The following TRERF1 variants were observed in gnomAD, a reference collection of about 807,000 sequenced individuals.
The protein encoded by TRERF1 is transcriptional regulating factor 1, also known as transcriptional-regulating factor 1.
Under a neutral mutation model 122.9 loss-of-function variants are expected in TRERF1, and 27 were observed. The observed-to-expected ratio is 0.22, with a 90% CI of 0.16 to 0.30. The LOEUF (loss-of-function observed/expected upper bound fraction) is 0.30, where lower values mean the gene tolerates loss of function less well. Ranked by LOEUF, TRERF1 falls within the 10% of genes least tolerant of loss-of-function variation. The pLI, the probability that TRERF1 is intolerant of heterozygous loss-of-function variation, is 1.00. For synonymous variants in TRERF1, 636 were observed against 641.7 expected, an observed-to-expected ratio of 0.99 and a Z score of 0.13; for missense variants, 1,248 against 1,560.3, an observed-to-expected ratio of 0.80 and a Z score of 3.37.
chr6:42,237,211 A>T (rs1772448886), intron 15 of TRERF1, among the ~76,000 whole-genome samples: 1 of 152,168 alleles, frequency 6.6e-6, no homozygotes, highest in Non-Finnish European at 1.5e-5. Flanking sequence ...CCATGTGGAG[A>T]ATTAAGCAGA....
At chr6:42,339,136 G>T (rs1283067913) in intron 3 of TRERF1, among the ~76,000 whole-genome samples, 6 of 152,198 alleles carry the variant, frequency 3.9e-5, no homozygotes, top group African/African-American at 1.2e-4. Flanking sequence ...CTATCCTTGA[G>T]GTCACTGCTG....
At chr6:42,307,334 T>C (rs1445252402) in intron 3 of TRERF1, among the ~76,000 whole-genome samples, 1 of 152,210 alleles carries the variant, frequency 6.6e-6, no homozygotes, top group Non-Finnish European at 1.5e-5. Flanking sequence ...TTCAGGTTTA[T>C]CACGTTCATC....
chr6:42,263,682 C>A lies in TRERF1; in HGVS notation c.1636-114G>T. 1 of 1,302,992 alleles carries A rather than the reference C, an allele frequency of 7.7e-7. No homozygotes were observed. Among genetic ancestry groups the A allele is most frequent in the Non-Finnish European group, 9.8e-7 (1 of 1,019,276 alleles). 80.7% of individuals were successfully genotyped at this position (1,302,992 alleles called of 1,614,324 possible). A position where few individuals can be genotyped will look rare whatever the true frequency, so the allele number is the denominator to read the frequency against. On this transcript the variant is annotated intron_variant, in intron 7 of 17. Coordinates refer to ENST00000372922, the Ensembl canonical transcript of TRERF1. This position sits in a 1 kb window ranked among gnomAD's most constrained non-coding sequence, Gnocchi z 5.6. Reference sequence around the variant, plus strand: ...ATCAGGTATGGGTGATAGAGAACCGCTGCAGGGCGATTTCCTTCCTGCAAT... The same window carrying A: ...ATCAGGTATGGGTGATAGAGAACCGATGCAGGGCGATTTCCTTCCTGCAAT...
Position 42,331,816 on chromosome 6 carries a change from G to A in TRERF1, c.-370-31067C>T, listed in dbSNP as rs116810525. ...AGGGGCACACATACCCCAGGCCCAC[G>A]CGGGCCATGTGGCTGGCCCTTCCAC... On this transcript the variant is annotated intron_variant, in intron 3 of 17. Transcript: ENST00000372922. 2.0e-3 allele frequency among the ~76,000 whole-genome samples: 310 copies of A among 152,312 alleles called. 1 individual carries two copies. Among genetic ancestry groups the A allele is most frequent in the African/African-American group, 7.2e-3 (301 of 41,568 alleles).
At chr6:42,313,805 A>T (rs183705454) in intron 3 of TRERF1, among the ~76,000 whole-genome samples, 1 of 151,910 alleles carries the variant, frequency 6.6e-6, no homozygotes, top group East Asian at 1.9e-4. Flanking sequence ...GGCCTCAGGA[A>T]CTCTCCTGGT....
At chr6:42,448,162 A>C (rs549933678) in intron 2 of TRERF1, among the ~76,000 whole-genome samples, 2 of 152,184 alleles carry the variant, frequency 1.3e-5, no homozygotes, top group South Asian at 4.1e-4. Flanking sequence ...AATCCCAATT[A>C]CCCACAGAAA....
chr6:42,358,300 C>A (rs1770988893), intron 3 of TRERF1, among the ~76,000 whole-genome samples: 1 of 152,212 alleles, frequency 6.6e-6, no homozygotes, highest in South Asian at 2.1e-4. Context: ...TTAATGACTG[C>A]AGGGTAAACG....
intron 2 of TRERF1, among the ~76,000 whole-genome samples, chr6:42,444,899 C>A (rs1270864404): frequency 6.6e-6 from 1 of 152,220 alleles, no homozygotes; most frequent in African/African-American, 2.4e-5. Flanking sequence ...CCCCTCCCAA[C>A]TCTCTCCAGT....
intron 4 of TRERF1, among the ~76,000 whole-genome samples, chr6:42,272,347 G>A (rs1214228624): frequency 1.3e-5 from 2 of 152,114 alleles, no homozygotes; most frequent in Non-Finnish European, 2.9e-5. Context: ...GGAGGAAGGC[G>A]AGCCGTGGGT....
intron 13 of TRERF1, among the ~76,000 whole-genome samples, chr6:42,250,914 T>A (rs752182208): frequency 3.9e-5 from 6 of 151,916 alleles, no homozygotes; most frequent in Non-Finnish European, 8.8e-5. Flanking sequence ...TGAGAGAAAG[T>A]TTGGACACAG....
intron 3 of TRERF1, among the ~76,000 whole-genome samples, chr6:42,344,692 T>C (rs546044502): frequency 4.6e-5 from 7 of 152,274 alleles, no homozygotes; most frequent in Middle Eastern, 6.8e-3. Context: ...AGCAGTCACC[T>C]TGGCAGGACA....
rs1342045392 is a variant in TRERF1, at chr6:42,276,384, CG to C, written c.-258-6537del. Among the ~76,000 whole-genome samples, 1 of 152,192 alleles carries C rather than the reference CG, an allele frequency of 6.6e-6. No individual in the cohort carries two copies. The highest frequency in any genetic ancestry group is 1.9e-4 in the East Asian group (1 of 5,204). ...AAAAAGATTTTCCTTTTTCTGACCCCGGGCAGTCAGTTAGAGACTGTATACA... is the reference window on the plus strand; with the variant it reads ...AAAAAGATTTTCCTTTTTCTGACCCCGGCAGTCAGTTAGAGACTGTATACA... On this transcript the variant is annotated intron_variant, in intron 4 of 17. Transcript: ENST00000372922. This position sits in a 1 kb window ranked among gnomAD's most constrained non-coding sequence, Gnocchi z 4.3.
intron 4 of TRERF1, among the ~76,000 whole-genome samples, chr6:42,296,639 A>C (rs1197840288): frequency 6.6e-6 from 1 of 152,064 alleles, no homozygotes; most frequent in Admixed American, 6.6e-5. Context: ...AAGCCAAACC[A>C]CTGTGCTCTG....
chr6:42,297,596 G>A (rs962506700), intron 4 of TRERF1, among the ~76,000 whole-genome samples: 1 of 152,180 alleles, frequency 6.6e-6, no homozygotes, highest in Non-Finnish European at 1.5e-5. Context: ...GCAGAATGGG[G>A]GGAAAATCTC....
At chr6:42,354,675 T>A (rs1190898762) in intron 3 of TRERF1, among the ~76,000 whole-genome samples, 1 of 152,202 alleles carries the variant, frequency 6.6e-6, no homozygotes, top group Non-Finnish European at 1.5e-5. Context: ...TATGCAAGGG[T>A]CTATTTCTGA....
chr6:42,447,773 C>T (rs557310604), intron 2 of TRERF1, among the ~76,000 whole-genome samples: 3 of 152,242 alleles, frequency 2.0e-5, no homozygotes, highest in South Asian at 2.1e-4. Flanking sequence ...GGCATGATCT[C>T]GGCTCACTGC....
intron 2 of TRERF1, among the ~76,000 whole-genome samples, chr6:42,407,705 TC>T (rs1249533789): frequency 1.3e-5 from 2 of 150,962 alleles, no homozygotes; most frequent in African/African-American, 4.9e-5. Context: ...CTACAGAATT[TC>T]CCCCCTCCTT....
chr6:42,359,954 A>G (rs553563182), intron 3 of TRERF1, among the ~76,000 whole-genome samples: 6 of 152,352 alleles, frequency 3.9e-5, no homozygotes, highest in Non-Finnish European at 7.3e-5. Context: ...TAACAGAAAA[A>G]AAAAACTTCG....
exon 18 of TRERF1, chr6:42,226,368 C>T (rs1405227610): frequency 6.6e-6 from 1 of 152,130 alleles, no homozygotes; most frequent in East Asian, 1.9e-4. Flanking sequence ...CTAGGCTTAC[C>T]CTCAGACACT....
Sources: allele counts gnomAD v4.1 joint callset (sites outside exome capture counted in the v4.1 genomes callset), GRCh38; gene constraint gnomAD v4.1.1; non-coding constraint Gnocchi (gnomAD v3.1); transcripts MANE v1.5; gene names NCBI Gene and HGNC (gene_info 2026-07-23, HGNC 2026-07-21).